The following SIRT3 variants were observed in gnomAD, a reference collection of about 807,000 sequenced individuals.
SIRT3 encodes the protein sirtuin 3.
A neutral mutation model predicts 33.5 loss-of-function variants in SIRT3; 26 were observed. The ratio of observed to expected loss-of-function variants is 0.78; its 90% CI spans 0.57 to 1.08. The LOEUF (loss-of-function observed/expected upper bound fraction) is 1.08, where lower values mean the gene tolerates loss of function less well. Among genes scored for constraint, SIRT3 ranks in the 50% least tolerant of loss-of-function variants. The pLI, the probability that SIRT3 is intolerant of heterozygous loss-of-function variation, is 0.00. For missense variants in SIRT3, 585 were observed against 530.1 expected, an observed-to-expected ratio of 1.10 and a Z score of -1.02; for synonymous variants, 237 against 222.1, an observed-to-expected ratio of 1.07 and a Z score of -0.60.
intron 3 of SIRT3, among the ~76,000 whole-genome samples, chr11:231,715 C>A (rs879310261): frequency 1.3e-5 from 2 of 152,222 alleles, no homozygotes; most frequent in Non-Finnish European, 2.9e-5. Context: ...AAGGCCTGCC[C>A]TGCTGCACCT....
chr11:217,931 T>C (rs554756570), intron 6 of SIRT3, among the ~76,000 whole-genome samples: 5 of 152,326 alleles, frequency 3.3e-5, no homozygotes, highest in African/African-American at 1.2e-4. Flanking sequence ...CTTCTTCTGA[T>C]AGTGAATAAG....
upstream of SIRT3, chr11:236,871 T>A (rs2272563): frequency 2.4e-5 from 15 of 617,596 alleles, no homozygotes; most frequent in Non-Finnish European, 4.0e-5. Flanking sequence ...GAGAGTTTTG[T>A]CCGGAGCGCA....
chr11:233,385 A>C lies in SIRT3; in HGVS notation c.431T>G (p.Val144Gly), dbSNP rs1396903719. ...ACTGGGTGTGCTGATGCCGGCCCCC[A>C]CCATGACCACCACCCTCTGGCAGGC... ...ARACQRVVVM[V>G]GAGISTPSGI... is the part of the protein sequence containing the mutation. Residue 144 changes from valine to glycine, a missense_variant, in exon 2 of 7, where the codon GTG (valine) becomes GGG (glycine). By Grantham distance (109) the Val-to-Gly change is moderately radical. Transcript: ENST00000382743. The C allele has an allele frequency of 6.2e-7, 1 of 1,613,974 alleles. No individual in the cohort carries two copies. The highest frequency in any genetic ancestry group is 1.3e-5 in the African/African-American group (1 of 74,972).
chr11:234,245 G>A (rs756743810), intron 1 of SIRT3, among the ~76,000 whole-genome samples: 1 of 152,226 alleles, frequency 6.6e-6, no homozygotes, highest in Non-Finnish European at 1.5e-5. Context: ...CTGAGGGGCA[G>A]GCATGGGTGC....
In SIRT3 at chr11:233,249, G is replaced by C. The variant is rs546117429; in HGVS notation, c.474-34C>G. On this transcript the variant is annotated intron_variant, in intron 2 of 6. Coordinates refer to ENST00000382743, the MANE Select transcript of SIRT3 (RefSeq NM_012239.6). The stretch of plus-strand genomic sequence containing the variant: ...AGAGAAGAAAGGCTCTGAGGCCTTT[G>C]GAAGAGGACAGGGAAGTGGAATAAA... 6 of 1,606,590 alleles carry C rather than the reference G, an allele frequency of 3.7e-6. No individual in the cohort carries two copies. The South Asian group carries it at 6.6e-5, about 18-fold the overall frequency.
At chr11:232,053 G>A (rs1274547743) in intron 3 of SIRT3, among the ~76,000 whole-genome samples, 1 of 152,004 alleles carries the variant, frequency 6.6e-6, no homozygotes, top group Non-Finnish European at 1.5e-5. Context: ...ACCATATTAA[G>A]GAATTACTAG....
intron 6 of SIRT3, among the ~76,000 whole-genome samples, chr11:217,619 T>C (rs1274707272): frequency 6.6e-6 from 1 of 152,106 alleles, no homozygotes; most frequent in Non-Finnish European, 1.5e-5. Flanking sequence ...GTGACCATGA[T>C]TGGTAAAAAA....
At chr11:225,024 T>C (rs998305561) in intron 4 of SIRT3, among the ~76,000 whole-genome samples, 5 of 151,866 alleles carry the variant, frequency 3.3e-5, no homozygotes, top group African/African-American at 4.8e-5. Flanking sequence ...TAAAACTGTA[T>C]TATATTTAAA....
intron 6 of SIRT3, among the ~76,000 whole-genome samples, chr11:218,086 T>C (rs1278857270): frequency 6.6e-6 from 1 of 152,196 alleles, no homozygotes; most frequent in Non-Finnish European, 1.5e-5. Context: ...TGTGAGTCCA[T>C]TAAACCTCTT....
At chr11:225,470 T>C (rs1414278640) in intron 4 of SIRT3, among the ~76,000 whole-genome samples, 1 of 151,930 alleles carries the variant, frequency 6.6e-6, no homozygotes, top group Non-Finnish European at 1.5e-5. Context: ...ATAAAATTAT[T>C]AAAAAATTAT....
chr11:227,158 G>A (rs1283889377), intron 4 of SIRT3, among the ~76,000 whole-genome samples: 1 of 151,922 alleles, frequency 6.6e-6, no homozygotes. Flanking sequence ...CAGGCAGAGA[G>A]GCCAGACACG....
chr11:230,365 T>C, intron 4 of SIRT3, 87 bp downstream of exon 4: 2 of 692,050 alleles, frequency 2.9e-6, no homozygotes, highest in Non-Finnish European at 4.4e-6. Flanking sequence ...TCAACTGTCC[T>C]TTCGAGACAA....
intron 4 of SIRT3, among the ~76,000 whole-genome samples, chr11:227,437 C>CA (rs1041528534): frequency 6.8e-6 from 1 of 148,076 alleles, no homozygotes; most frequent in African/African-American, 2.5e-5. Context: ...GACTCTATCT[C>CA]AAAAAAACAA....
chr11:217,240 A>G (rs1564804121), intron 6 of SIRT3, among the ~76,000 whole-genome samples: 1 of 152,324 alleles, frequency 6.6e-6, no homozygotes, highest in East Asian at 1.9e-4. Context: ...ACCCGAGGTC[A>G]GGAGTTTGAG....
intron 4 of SIRT3, among the ~76,000 whole-genome samples, chr11:225,341 G>A (rs1222657809): frequency 2.0e-5 from 3 of 152,166 alleles, no homozygotes; most frequent in Non-Finnish European, 4.4e-5. Flanking sequence ...GAACCTGGGA[G>A]GCGGAGGTTG....
At chr11:231,062 T>C (rs1457722136) in intron 3 of SIRT3, among the ~76,000 whole-genome samples, 3 of 151,512 alleles carry the variant, frequency 2.0e-5, no homozygotes, top group African/African-American at 7.3e-5. Flanking sequence ...GAGGTGGAAG[T>C]TGCAGTGAGC....
intron 4 of SIRT3, among the ~76,000 whole-genome samples, chr11:224,891 TAAG>T (rs1828042812): frequency 6.6e-6 from 1 of 151,954 alleles, no homozygotes; most frequent in East Asian, 1.9e-4. Context: ...CCTGACTTTC[TAAG>T]GTAAACCTTT....
chr11:226,703 C>T (rs1857213579), intron 4 of SIRT3, among the ~76,000 whole-genome samples: 2 of 151,434 alleles, frequency 1.3e-5, no homozygotes, highest in Non-Finnish European at 2.9e-5. Flanking sequence ...CCACCGCGCC[C>T]AGCCTAGAAT....
intron 5 of SIRT3, among the ~76,000 whole-genome samples, chr11:220,096 G>C (rs1856221113): frequency 6.6e-6 from 1 of 151,986 alleles, no homozygotes; most frequent in South Asian, 2.1e-4. Context: ...TTGGGAGGCC[G>C]AGGCGGGCAG....
Sources: gnomAD v4.1 joint callset for allele counts (sites outside exome capture counted in the v4.1 genomes callset) on GRCh38, gnomAD v4.1.1 for gene constraint, MANE v1.5 for transcripts, NCBI Gene and HGNC (gene_info 2026-07-23, HGNC 2026-07-21) for gene names.